Variants in NIPBL observed in about 807,000 individuals in gnomAD.
NIPBL encodes NIPBL cohesin loading factor.
In NIPBL, 19 loss-of-function variants were observed where a neutral mutation model predicts 321.8. The ratio of observed to expected loss-of-function variants is 0.06; its 90% confidence interval spans 0.04 to 0.09. The LOEUF is 0.09. Ranked by LOEUF, NIPBL falls within the 10% of genes least tolerant of loss-of-function variation. NIPBL has a pLI of 1.00. For synonymous variants in NIPBL, 1,106 were observed against 1,114.1 expected, an observed-to-expected ratio of 0.99 and a Z score of 0.14; for missense variants, 2,210 against 3,327.0, an observed-to-expected ratio of 0.66 and a Z score of 8.26.
At chr5:36,952,053 T>TGCGCGCAC (rs1554010279) in intron 1 of NIPBL, among the ~76,000 whole-genome samples, 6 of 112,114 alleles carry the variant, frequency 5.4e-5, no homozygotes, top group Non-Finnish European at 7.4e-5. Flanking sequence ...TGTGTGTGTG[T>TGCGCGCAC]GCGCGCGCGC....
At chr5:36,899,179 T>A (rs1464250183) in intron 1 of NIPBL, among the ~76,000 whole-genome samples, 2 of 152,268 alleles carry the variant, frequency 1.3e-5, no homozygotes, top group East Asian at 3.9e-4. Context: ...GCAAATAGAC[T>A]CAGTGAAAGA....
Position 37,065,011 on chromosome 5 carries a change from C to A in NIPBL, c.*119C>A. On this transcript the variant is annotated 3_prime_UTR_variant, in exon 47 of 47. Transcript: ENST00000282516. Reference sequence around the variant, plus strand: ...TGAAGAGTAAGTGGAACCTGGGATGCAGGAACAAAAGAAGGAAATGTTGGG... The same window carrying A: ...TGAAGAGTAAGTGGAACCTGGGATGAAGGAACAAAAGAAGGAAATGTTGGG... 2 of 1,210,720 alleles carry A rather than the reference C, an allele frequency of 1.7e-6. No homozygotes were observed. Among genetic ancestry groups the A allele is most frequent in the Non-Finnish European group, 2.4e-6 (2 of 843,526 alleles). The allele number at this position is 1,210,720 out of a possible 1,614,324, so 75.0% of individuals were successfully genotyped here. A position where few individuals can be genotyped will look rare whatever the true frequency, so the allele number is the denominator to read the frequency against.
rs569024748 is a variant in NIPBL at position 37,010,294 on chromosome 5, C to T, written c.4560+69C>T. 33 of 1,270,784 alleles carry T rather than the reference C, an allele frequency of 2.6e-5. No individual in the cohort carries two copies. In the African/African-American group the frequency reaches 2.7e-4, roughly 10 times the overall value. The allele number at this position is 1,270,784 out of a possible 1,614,324, so 78.7% of individuals were successfully genotyped here. On this transcript the variant is annotated intron_variant, in intron 21 of 46. Transcript: ENST00000282516. Reference sequence around the variant, plus strand: ...GGAAATACCTATATTCTCTGTCATTCTTATAAAACTGAAGTTCTTTTTTTT... The same window carrying T: ...GGAAATACCTATATTCTCTGTCATTTTTATAAAACTGAAGTTCTTTTTTTT...
intron 1 of NIPBL, among the ~76,000 whole-genome samples, chr5:36,881,593 A>G (rs977012317): frequency 6.6e-6 from 1 of 151,990 alleles, no homozygotes; most frequent in African/African-American, 2.4e-5. Context: ...CCATGGTCCT[A>G]CAATTAGTAA....
At chr5:37,026,100 C>T in intron 30 of NIPBL, 129 bp from the exon 31 acceptor site, 1 of 618,162 alleles carries the variant, frequency 1.6e-6, no homozygotes, top group Non-Finnish European at 2.9e-6. Flanking sequence ...AAATTAATAC[C>T]AGAAATTCCT....
intron 8 of NIPBL, among the ~76,000 whole-genome samples, chr5:36,972,702 A>G (rs977845250): frequency 1.1e-4 from 16 of 152,154 alleles, no homozygotes; most frequent in African/African-American, 3.9e-4. Flanking sequence ...TCTTTCTACC[A>G]TCCCATCTGT....
intron 40 of NIPBL, among the ~76,000 whole-genome samples, chr5:37,050,559 C>A (rs1579577061): frequency 6.6e-6 from 1 of 151,570 alleles, no homozygotes; most frequent in Non-Finnish European, 1.5e-5. Context: ...CACCTCTATT[C>A]ACCATTTGTT....
intron 9 of NIPBL, among the ~76,000 whole-genome samples, chr5:36,983,357 T>C (rs1744363042): frequency 1.3e-5 from 2 of 151,884 alleles, no homozygotes; most frequent in Admixed American, 1.3e-4. Context: ...TTTGATTAGA[T>C]TTTAAACTGG....
intron 39 of NIPBL, 40 bp from the exon 40 acceptor site, chr5:37,049,071 G>T (rs375964949): frequency 1.3e-4 from 202 of 1,592,814 alleles, no homozygotes; most frequent in Non-Finnish European, 1.7e-4. Context: ...GTTAGTATAG[G>T]TGCTCTTAAT....
At chr5:36,947,848 ATGT>A (rs1371615651) in intron 1 of NIPBL, among the ~76,000 whole-genome samples, 1 of 151,952 alleles carries the variant, frequency 6.6e-6, no homozygotes, top group Non-Finnish European at 1.5e-5. Context: ...AGGTTTAATA[ATGT>A]TCTTTTTTTT....
chr5:37,051,372 G>T (rs1413571388), intron 40 of NIPBL: 1 of 185,498 alleles, frequency 5.4e-6, no homozygotes, highest in Non-Finnish European at 1.1e-5. Context: ...TTATATTTTC[G>T]TAGCTTTGAG....
chr5:37,046,210 A>G lies in NIPBL; in HGVS notation c.6589+11A>G. On this transcript the variant is annotated intron_variant, in intron 38 of 46. Transcript: ENST00000282516. Reference sequence around the variant, plus strand: ...CTATCATTGGTCTAGGTAAGTCTAAATTTCTTTATAATTTGTAGCTATTTG... The same window carrying G: ...CTATCATTGGTCTAGGTAAGTCTAAGTTTCTTTATAATTTGTAGCTATTTG... 7.0e-7 allele frequency: 1 copy of G among 1,436,530 alleles called. No individual in the cohort carries two copies. The highest frequency in any genetic ancestry group is 1.1e-5 in the South Asian group (1 of 87,232). The allele number at this position is 1,436,530 out of a possible 1,614,324, so 89.0% of individuals were successfully genotyped here.
chr5:36,953,586 C>T, intron 1 of NIPBL, 32 bp from the exon 2 acceptor site: 1 of 886,534 alleles, frequency 1.1e-6, no homozygotes, highest in South Asian at 1.3e-5. Context: ...TGACATATCT[C>T]TACAAATAAT....
At chr5:36,937,242 T>A (rs1738533432) in intron 1 of NIPBL, among the ~76,000 whole-genome samples, 1 of 152,176 alleles carries the variant, frequency 6.6e-6, no homozygotes, top group Non-Finnish European at 1.5e-5. Flanking sequence ...TTGGGTAAGC[T>A]TCTTAAACTT....
chr5:37,063,153 A>C (rs977936847), intron 45 of NIPBL, among the ~76,000 whole-genome samples: 1 of 152,184 alleles, frequency 6.6e-6, no homozygotes, highest in Non-Finnish European at 1.5e-5. Flanking sequence ...AGTTTGGCCA[A>C]CATTGCAAAA....
At chr5:37,032,386 C>CTTGT (rs1751140640) in intron 32 of NIPBL, among the ~76,000 whole-genome samples, 1 of 123,518 alleles carries the variant, frequency 8.1e-6, no homozygotes. Flanking sequence ...TACATGTATA[C>CTTGT]GTGTGTGTGT....
rs534406486 is a variant in NIPBL, at chr5:36,910,597, G to GTCT, written c.-80+33420_-80+33421insCTT. On this transcript the variant is annotated intron_variant, in intron 1 of 46. Coordinates refer to ENST00000282516, the MANE Select transcript of NIPBL (RefSeq NM_133433.4). Reference sequence around the variant, plus strand: ...TGAAGCTGGTCTCTTTTCGGCTTAAGTATTTCCAGCCGTGGAGAGTATACC... The same window carrying GTCT: ...TGAAGCTGGTCTCTTTTCGGCTTAAGTCTTATTTCCAGCCGTGGAGAGTATACC... Among the ~76,000 whole-genome samples the GTCT allele has an allele frequency of 3.8e-3, 582 of 152,264 alleles. 2 individuals carry two copies. The highest frequency in any genetic ancestry group is 6.2e-3 in the Non-Finnish European group (423 of 68,018).
At chr5:36,969,721 G>C (rs1742645072) in intron 6 of NIPBL, among the ~76,000 whole-genome samples, 4 of 152,134 alleles carry the variant, frequency 2.6e-5, no homozygotes. Flanking sequence ...AAGAGAAGAT[G>C]CTTGGCTTCA....
At position 37,003,246 on chromosome 5, in the gene NIPBL, A is replaced by C. The variant is rs1214689021; in HGVS notation, c.3769-15A>C. On this transcript the variant is annotated splice_polypyrimidine_tract_variant and intron_variant, in intron 15 of 46. Coordinates refer to ENST00000282516, the MANE Select transcript of NIPBL (RefSeq NM_133433.4). ...TTTACCAACGATTGATAAAGAATTTATATTGCTATTTTAGCTTTCAACTGA... is the reference window on the plus strand; with the variant it reads ...TTTACCAACGATTGATAAAGAATTTCTATTGCTATTTTAGCTTTCAACTGA... The C allele has an allele frequency of 1.4e-6, 2 of 1,407,302 alleles. No homozygotes were observed. The highest frequency in any genetic ancestry group is 2.8e-5 in the African/African-American group (2 of 70,952). 87.2% of individuals were successfully genotyped at this position (1,407,302 alleles called of 1,614,324 possible).
Sources: allele counts gnomAD v4.1 joint callset (sites outside exome capture counted in the v4.1 genomes callset), GRCh38; gene constraint gnomAD v4.1.1; transcripts MANE v1.5; gene names NCBI Gene and HGNC (gene_info 2026-07-23, HGNC 2026-07-21).